DLG2: variants seen among roughly 807,000 people sequenced by gnomAD.
DLG2 encodes the protein discs large MAGUK scaffold protein 2, also known as disks large homolog 2.
In DLG2, 45 loss-of-function variants were observed where a neutral mutation model predicts 132.5. The ratio of observed to expected loss-of-function variants is 0.34; its 90% CI spans 0.27 to 0.44. The LOEUF (loss-of-function observed/expected upper bound fraction) is 0.44. Among genes scored for constraint, DLG2 ranks in the 20% least tolerant of loss-of-function variants. The pLI, the probability that DLG2 is intolerant of heterozygous loss-of-function variation, is 1.00. For missense variants in DLG2, 1,045 were observed against 1,196.9 expected (o/e 0.87, Z 1.87); for synonymous variants, 424 against 419.6 (o/e 1.01, Z -0.13).
intron 4 of DLG2, among the ~76,000 whole-genome samples, chr11:85,247,937 C>T (rs2076217347): frequency 6.6e-6 from 1 of 152,084 alleles, no homozygotes; most frequent in Non-Finnish European, 1.5e-5. Context: ...ATCTTGACAA[C>T]ATTCATCATT....
intron 6 of DLG2, among the ~76,000 whole-genome samples, chr11:84,711,375 AG>A (rs2060414009): frequency 2.4e-5 from 2 of 82,724 alleles, no homozygotes; most frequent in Non-Finnish European, 4.1e-5. Context: ...AGAGAGAGAG[AG>A]AGAGATCGAT....
intron 17 of DLG2, among the ~76,000 whole-genome samples, chr11:83,828,880 G>A (rs1186851240): frequency 1.3e-5 from 2 of 152,108 alleles, no homozygotes; most frequent in African/African-American, 2.4e-5. Flanking sequence ...ATATGTGTAT[G>A]TATATGTGTT....
intron 7 of DLG2, among the ~76,000 whole-genome samples, chr11:84,502,217 T>TCCTTCCTTC (rs2099212426): frequency 4.3e-4 from 2 of 4,654 alleles, no homozygotes; most frequent in African/African-American, 2.8e-3. Flanking sequence ...CTTCCTTCCT[T>TCCTTCCTTC]CCTTCCTTCC....
chr11:84,551,190 T>C (rs927082954), intron 6 of DLG2, among the ~76,000 whole-genome samples: 2 of 152,200 alleles, frequency 1.3e-5, no homozygotes, highest in African/African-American at 4.8e-5. Flanking sequence ...AATAAAAATA[T>C]TAATGTTTCC....
At chr11:83,767,534 G>A (rs940396051) in intron 18 of DLG2, among the ~76,000 whole-genome samples, 1 of 152,218 alleles carries the variant, frequency 6.6e-6, no homozygotes, top group Non-Finnish European at 1.5e-5. Flanking sequence ...GTCAAGAGCA[G>A]GGAGGCTACA....
chr11:85,396,923 G>C (rs919868977), intron 3 of DLG2, among the ~76,000 whole-genome samples: 5 of 152,094 alleles, frequency 3.3e-5, no homozygotes, highest in Non-Finnish European at 7.4e-5. Context: ...AGGAAATAAG[G>C]AGAACACCAC....
intron 18 of DLG2, among the ~76,000 whole-genome samples, chr11:83,776,835 G>A (rs1057171490): frequency 6.6e-6 from 1 of 152,120 alleles, no homozygotes; most frequent in Non-Finnish European, 1.5e-5. Flanking sequence ...TATTCCCGTG[G>A]AATGCCTTCT....
At chr11:83,947,940 T>G (rs951318575) in intron 14 of DLG2, among the ~76,000 whole-genome samples, 2 of 152,134 alleles carry the variant, frequency 1.3e-5, no homozygotes, top group African/African-American at 2.4e-5. Flanking sequence ...TAATGGCATC[T>G]CTCCGTCCAT....
intron 6 of DLG2, among the ~76,000 whole-genome samples, chr11:85,073,462 T>A (rs756021108): frequency 6.6e-6 from 1 of 151,828 alleles, no homozygotes; most frequent in South Asian, 2.1e-4. Context: ...GTAAGTAAAT[T>A]CAGGCAAAAC....
intron 6 of DLG2, among the ~76,000 whole-genome samples, chr11:84,776,161 T>C (rs559943313): frequency 9.2e-5 from 14 of 152,220 alleles, no homozygotes; most frequent in African/African-American, 3.1e-4. Flanking sequence ...TCACTTTTTG[T>C]TGTTGTTGTT....
At chr11:85,413,772 T>C (rs1340753890) in intron 3 of DLG2, among the ~76,000 whole-genome samples, 1 of 152,152 alleles carries the variant, frequency 6.6e-6, no homozygotes, top group African/African-American at 2.4e-5. Context: ...CCTATTTTTA[T>C]ACCAGTGCCA....
At chr11:84,780,493 G>C (rs2071545322) in intron 6 of DLG2, among the ~76,000 whole-genome samples, 1 of 152,046 alleles carries the variant, frequency 6.6e-6, no homozygotes, top group South Asian at 2.1e-4. Flanking sequence ...CAGATTGCTG[G>C]ATTTATGGTA....
At chr11:85,579,614 T>G (rs1163950148) in intron 3 of DLG2, among the ~76,000 whole-genome samples, 1 of 151,846 alleles carries the variant, frequency 6.6e-6, no homozygotes, top group Non-Finnish European at 1.5e-5. Flanking sequence ...GGGTGGAGAG[T>G]GAAGGACACA....
At chr11:83,825,061 T>TTATATATACACATA (rs2052120972) in intron 17 of DLG2, among the ~76,000 whole-genome samples, 3 of 149,662 alleles carry the variant, frequency 2.0e-5, no homozygotes, top group Non-Finnish European at 4.4e-5. Flanking sequence ...TTTTTGTTTT[T>TTATATATACACATA]TATATATACA....
At chr11:84,833,903 T>C (rs2079369370) in intron 6 of DLG2, among the ~76,000 whole-genome samples, 1 of 151,674 alleles carries the variant, frequency 6.6e-6, no homozygotes, top group South Asian at 2.1e-4. Context: ...TAGAGTTATG[T>C]ACATACTTGT....
intron 18 of DLG2, among the ~76,000 whole-genome samples, chr11:83,714,468 T>C (rs909546450): frequency 2.6e-5 from 4 of 152,176 alleles, no homozygotes; most frequent in Admixed American, 6.5e-5. Flanking sequence ...AAGTAATCTG[T>C]CTAAGATCAC....
chr11:83,909,654 A>T (rs1454471524), intron 15 of DLG2, among the ~76,000 whole-genome samples: 1 of 152,228 alleles, frequency 6.6e-6, no homozygotes. Context: ...TTTTAAATTT[A>T]TGATGAAACG....
At chr11:84,550,115 TACACACACACACAC>T (rs60598747) in intron 6 of DLG2, among the ~76,000 whole-genome samples, 38 of 145,838 alleles carry the variant, frequency 2.6e-4, no homozygotes, top group African/African-American at 9.4e-4. Context: ...AACGAGCCTA[TACACACACACACAC>T]ACACACACAC....
chr11:84,675,768 C>T (rs2099710579), intron 6 of DLG2, among the ~76,000 whole-genome samples: 1 of 152,104 alleles, frequency 6.6e-6, no homozygotes. Context: ...ATCCCTTTTA[C>T]ACCGAGGAGG....
Sources: gnomAD v4.1 joint callset for allele counts (sites outside exome capture counted in the v4.1 genomes callset) on GRCh38, gnomAD v4.1.1 for gene constraint, MANE v1.5 for transcripts, NCBI Gene and HGNC (gene_info 2026-07-23, HGNC 2026-07-21) for gene names.